Variants in COL19A1 observed in about 807,000 individuals in gnomAD.
COL19A1 encodes collagen type XIX alpha 1 chain, also known as collagen alpha-1(XIX) chain.
A neutral mutation model predicts 190.2 loss-of-function variants in COL19A1; 159 were observed. The observed-to-expected ratio is 0.84, with a 90% CI of 0.73 to 0.95. The LOEUF (loss-of-function observed/expected upper bound fraction) is 0.95, where lower values mean the gene tolerates loss of function less well. COL19A1 is among the 40% of genes least tolerant of loss of function. The pLI, the probability that COL19A1 is intolerant of heterozygous loss-of-function variation, is 0.00. For synonymous variants in COL19A1, 509 were observed against 458.9 expected (o/e 1.11, Z -1.39); for missense variants, 1,418 against 1,431.9 (o/e 0.99, Z 0.16).
intron 17 of COL19A1, among the ~76,000 whole-genome samples, chr6:70,128,049 A>G (rs1233706056): frequency 6.6e-6 from 1 of 152,216 alleles, no homozygotes; most frequent in Non-Finnish European, 1.5e-5. Flanking sequence ...CCATTTCTGT[A>G]CTAAACAATG....
intron 27 of COL19A1, 125 bp from the exon 28 acceptor site, chr6:70,149,579 G>C (rs1187962596): frequency 2.6e-6 from 3 of 1,169,952 alleles, no homozygotes; most frequent in Admixed American, 2.5e-5. Flanking sequence ...AGTTTTCCAC[G>C]TGTGTACGGT....
At chr6:70,062,462 C>A (rs956921179) in intron 14 of COL19A1, among the ~76,000 whole-genome samples, 9 of 152,194 alleles carry the variant, frequency 5.9e-5, no homozygotes, top group Admixed American at 3.3e-4. Context: ...GCCTGCCCTA[C>A]AAGAGCTCCT....
In COL19A1 at chr6:69,927,989, G is replaced by C. The variant is rs1460014547; in HGVS notation, c.347G>C (p.Arg116Pro). ...GTACGAAGAAACGCCAAAAAGGAAC[G>C]GTGGTTTCTGTGGCAGGTTTTAAAC... ...FRVRRNAKKE[R>P]WFLWQVLNQQ... The change falls in exon 5 of 51, where the codon CGG (arginine) becomes CCG (proline). Residue 116 changes from arginine (R) to proline (P), a missense_variant. Physicochemically the swap from Arg to Pro is moderately radical, Grantham distance 103 (BLOSUM62 -2). Transcript: ENST00000620364. 1.2e-6 allele frequency: 2 copies of C among 1,613,158 alleles called. No individual in the cohort carries two copies. Among genetic ancestry groups the C allele is most frequent in the Non-Finnish European group, 8.5e-7 (1 of 1,179,410 alleles).
intron 4 of COL19A1, among the ~76,000 whole-genome samples, chr6:69,920,003 T>G (rs1771587733): frequency 6.6e-6 from 1 of 152,118 alleles, no homozygotes; most frequent in Admixed American, 6.6e-5. Flanking sequence ...ATAGGGATAA[T>G]TTATAGGTCA....
intron 11 of COL19A1, among the ~76,000 whole-genome samples, chr6:69,996,989 GTA>G (rs1343718112): frequency 1.5e-5 from 2 of 136,370 alleles, no homozygotes; most frequent in African/African-American, 3.2e-5. Flanking sequence ...GTATGTGTAC[GTA>G]TGTGTGTGTG....
chr6:69,971,831 A>G (rs1271382533), intron 11 of COL19A1, among the ~76,000 whole-genome samples: 4 of 152,202 alleles, frequency 2.6e-5, no homozygotes, highest in Non-Finnish European at 4.4e-5. Flanking sequence ...AACCGTAATC[A>G]TTAGTCACCT....
At chr6:70,105,186 C>A (rs976273012) in intron 16 of COL19A1, among the ~76,000 whole-genome samples, 9 of 152,100 alleles carry the variant, frequency 5.9e-5, no homozygotes, top group African/African-American at 2.2e-4. Context: ...AGGAAAAAAT[C>A]TATGCAGAAG....
At chr6:70,089,623 A>G (rs1782782980) in intron 15 of COL19A1, among the ~76,000 whole-genome samples, 1 of 152,180 alleles carries the variant, frequency 6.6e-6, no homozygotes, top group Non-Finnish European at 1.5e-5. Context: ...CCAACTTACC[A>G]TTCTGTCCAC....
chr6:70,103,924 A>G (rs1170507466), intron 16 of COL19A1, among the ~76,000 whole-genome samples: 2 of 152,208 alleles, frequency 1.3e-5, no homozygotes, highest in African/African-American at 4.8e-5. Flanking sequence ...ACAAATGAAT[A>G]TATTTTGTAG....
chr6:70,052,711 A>G (rs1780274924), intron 14 of COL19A1, among the ~76,000 whole-genome samples: 1 of 152,182 alleles, frequency 6.6e-6, no homozygotes, highest in African/African-American at 2.4e-5. Flanking sequence ...TCACTCTGAT[A>G]ATATTGACCT....
At chr6:70,172,854 G>C (rs887791580) in intron 41 of COL19A1, among the ~76,000 whole-genome samples, 2 of 152,196 alleles carry the variant, frequency 1.3e-5, no homozygotes, top group African/African-American at 4.8e-5. Context: ...CAGCCAGAGA[G>C]TTGCAAGGGT....
chr6:69,989,545 G>GTTTTTAAT (rs1776499192), intron 11 of COL19A1, among the ~76,000 whole-genome samples: 1 of 126,144 alleles, frequency 7.9e-6, no homozygotes, highest in African/African-American at 3.8e-5. Flanking sequence ...CATAATGAGA[G>GTTTTTAAT]TTTTTTACTT....
chr6:69,931,240 A>AT (rs112883188), intron 6 of COL19A1, among the ~76,000 whole-genome samples: 2,364 of 151,874 alleles, frequency 0.016, 76 homozygotes, highest in African/African-American at 0.054. Flanking sequence ...TGATATGAAG[A>AT]TTTTTTTTTA....
intron 12 of COL19A1, among the ~76,000 whole-genome samples, chr6:70,032,494 T>A (rs1400079649): frequency 6.6e-5 from 10 of 152,160 alleles, no homozygotes; most frequent in Admixed American, 6.6e-4. Flanking sequence ...AAATATATTA[T>A]TTTTTTCTAG....
intron 47 of COL19A1, among the ~76,000 whole-genome samples, chr6:70,189,083 T>C (rs1583128051): frequency 6.6e-6 from 1 of 152,358 alleles, no homozygotes; most frequent in African/African-American, 2.4e-5. Context: ...TAGAGCATTC[T>C]TGGAATTATT....
chr6:70,058,814 G>C (rs1486592951), intron 14 of COL19A1, among the ~76,000 whole-genome samples: 1 of 151,986 alleles, frequency 6.6e-6, no homozygotes, highest in South Asian at 2.1e-4. Flanking sequence ...ATAGAGAAGT[G>C]AGGAAAGTTA....
At chr6:70,114,475 G>A (rs1051076478) in intron 16 of COL19A1, among the ~76,000 whole-genome samples, 3 of 152,182 alleles carry the variant, frequency 2.0e-5, no homozygotes, top group Non-Finnish European at 4.4e-5. Flanking sequence ...TCACTGGGCT[G>A]CTGTAAGAGC....
At chr6:69,882,999 C>T (rs958079893) in intron 2 of COL19A1, among the ~76,000 whole-genome samples, 3 of 152,174 alleles carry the variant, frequency 2.0e-5, no homozygotes, top group African/African-American at 7.2e-5. Flanking sequence ...GAAAGCTTCA[C>T]AATGATTAGA....
At chr6:69,962,934 A>C in intron 11 of COL19A1, 64 bp downstream of exon 11, 1 of 1,369,206 alleles carries the variant, frequency 7.3e-7, no homozygotes, top group Non-Finnish European at 1.0e-6. Context: ...GTTTTGAAAT[A>C]AAATATTTAA....
Sources: gnomAD v4.1 joint callset for allele counts (sites outside exome capture counted in the v4.1 genomes callset) on GRCh38, gnomAD v4.1.1 for gene constraint, MANE v1.5 for transcripts, NCBI Gene and HGNC (gene_info 2026-07-23, HGNC 2026-07-21) for gene names.